The following XPR1 variants were observed in gnomAD, a reference collection of about 807,000 sequenced individuals.
XPR1 encodes solute carrier family 53 member 1.
A neutral mutation model predicts 87.5 loss-of-function variants in XPR1; 28 were observed. The ratio of observed to expected loss-of-function variants is 0.32; its 90% CI spans 0.24 to 0.44. XPR1 has a LOEUF of 0.44. Ranked by LOEUF, XPR1 falls within the 20% of genes least tolerant of loss-of-function variation. The pLI is 1.00. For synonymous variants in XPR1, 300 were observed against 306.1 expected, an observed-to-expected ratio of 0.98 and a Z score of 0.21; for missense variants, 559 against 862.3, an observed-to-expected ratio of 0.65 and a Z score of 4.41.
chr1:180,666,386 A>G (rs1207920595), intron 1 of XPR1, among the ~76,000 whole-genome samples: 1 of 152,158 alleles, frequency 6.6e-6, no homozygotes, highest in African/African-American at 2.4e-5. Context: ...TAGTATTGAC[A>G]TCTTAACAAT....
chr1:180,698,149 A>G (rs892360839), intron 2 of XPR1, among the ~76,000 whole-genome samples: 1 of 152,106 alleles, frequency 6.6e-6, no homozygotes, highest in Non-Finnish European at 1.5e-5. Flanking sequence ...GAATTGTTAC[A>G]TCTTCTTGCT....
intron 7 of XPR1, among the ~76,000 whole-genome samples, chr1:180,813,239 G>A (rs1650289383): frequency 6.6e-6 from 1 of 152,080 alleles, no homozygotes; most frequent in Non-Finnish European, 1.5e-5. Flanking sequence ...ACTTGTGTTA[G>A]TACTTCTTAG....
chr1:180,656,746 G>A (rs1254214398), intron 1 of XPR1, among the ~76,000 whole-genome samples: 1 of 140,294 alleles, frequency 7.1e-6, no homozygotes, highest in East Asian at 2.0e-4. Flanking sequence ...TCTGTTGACA[G>A]ACACTTGGGT....
chr1:180,694,546 C>G (rs1044857995), intron 2 of XPR1, among the ~76,000 whole-genome samples: 40 of 152,076 alleles, frequency 2.6e-4, no homozygotes, highest in Non-Finnish European at 5.7e-4. Context: ...TCAAATTTAT[C>G]TTTATTTCTG....
Position 180,655,659 on chromosome 1 carries a change from T to C in XPR1, c.69+23389T>C, listed in dbSNP as rs1437867343. 2.0e-5 allele frequency among the ~76,000 whole-genome samples: 3 copies of C among 152,202 alleles called. No individual in the cohort carries two copies. In the East Asian group the frequency reaches 5.8e-4, roughly 29 times the overall value. On this transcript the variant is annotated intron_variant, in intron 1 of 14. Transcript: ENST00000367590. Reference sequence around the variant, plus strand: ...TGTTGCCTATGCCTTTGGTGTCTTATGCTAGATCCAGTATTGTGAAACTTT... The same window carrying C: ...TGTTGCCTATGCCTTTGGTGTCTTACGCTAGATCCAGTATTGTGAAACTTT...
chr1:180,786,758 G>A (rs1183934753), intron 2 of XPR1, among the ~76,000 whole-genome samples: 1 of 152,198 alleles, frequency 6.6e-6, no homozygotes, highest in Non-Finnish European at 1.5e-5. Context: ...CCACATGGCA[G>A]CAACTAGACA....
rs1236897610 is a variant in XPR1, at chr1:180,684,730, A to G, written c.121+2319A>G. On this transcript the variant is annotated intron_variant, in intron 2 of 14. Coordinates refer to ENST00000367590, the MANE Select transcript of XPR1 (RefSeq NM_004736.4). ...TCCCTTTTAAGTTGGATTCCTAGGT[A>G]TTTTATTCTCTTTGAAGCAATGGTG... Among the ~76,000 whole-genome samples, 8 of 152,064 alleles carry G rather than the reference A, an allele frequency of 5.3e-5. No individual in the cohort carries two copies. The East Asian group carries it at 1.4e-3, about 26-fold the overall frequency.
intron 2 of XPR1, among the ~76,000 whole-genome samples, chr1:180,709,812 T>G (rs1657700529): frequency 6.6e-6 from 1 of 152,152 alleles, no homozygotes; most frequent in Non-Finnish European, 1.5e-5. Context: ...TTGGTATATC[T>G]TCTTTAGGAA....
chr1:180,644,959 G>A (rs1465135000), intron 1 of XPR1, among the ~76,000 whole-genome samples: 3 of 152,016 alleles, frequency 2.0e-5, no homozygotes, highest in Admixed American at 2.0e-4. Flanking sequence ...CTTATGTTCA[G>A]TCTACTCCGT....
intron 2 of XPR1, among the ~76,000 whole-genome samples, chr1:180,740,955 A>C (rs1658897260): frequency 6.6e-6 from 1 of 152,166 alleles, no homozygotes; most frequent in African/African-American, 2.4e-5. Flanking sequence ...AATCTTGATC[A>C]AAAGGGCTCT....
At chr1:180,843,021 TGTTTAAC>T (rs1651568216) in intron 11 of XPR1, among the ~76,000 whole-genome samples, 1 of 152,200 alleles carries the variant, frequency 6.6e-6, no homozygotes, top group East Asian at 1.9e-4. Flanking sequence ...GATCCCTTCT[TGTTTAAC>T]GTTCTCTAAG....
intron 1 of XPR1, among the ~76,000 whole-genome samples, chr1:180,639,202 T>A (rs532051829): frequency 6.6e-6 from 1 of 152,060 alleles, no homozygotes; most frequent in Non-Finnish European, 1.5e-5. Context: ...GCACAAGACT[T>A]GCTTGAACCC....
chr1:180,789,607 A>G (rs1649303447), intron 3 of XPR1, among the ~76,000 whole-genome samples: 1 of 151,536 alleles, frequency 6.6e-6, no homozygotes, highest in African/African-American at 2.4e-5. Context: ...TTTTTGGAGA[A>G]TGGGGTCTTG....
intron 11 of XPR1, among the ~76,000 whole-genome samples, chr1:180,860,553 C>T (rs1468397205): frequency 6.6e-6 from 1 of 152,080 alleles, no homozygotes; most frequent in Non-Finnish European, 1.5e-5. Flanking sequence ...CATGCAACAA[C>T]ATGGATAAAT....
At chr1:180,810,119 G>T (rs1176346785) in intron 6 of XPR1, among the ~76,000 whole-genome samples, 5 of 151,904 alleles carry the variant, frequency 3.3e-5, no homozygotes, top group Non-Finnish European at 7.4e-5. Flanking sequence ...ACAATCTTAG[G>T]CACTTGCTAT....
chr1:180,705,771 T>C (rs1358168991), intron 2 of XPR1, among the ~76,000 whole-genome samples: 2 of 152,152 alleles, frequency 1.3e-5, no homozygotes, highest in Admixed American at 1.3e-4. Context: ...CAAAAAAAAG[T>C]TAGGTTAATA....
rs57135776 is a variant in XPR1 at position 180,709,763 on chromosome 1, A to G, written c.121+27352A>G. On this transcript the variant is annotated intron_variant, in intron 2 of 14. Coordinates refer to ENST00000367590, the MANE Select transcript of XPR1 (RefSeq NM_004736.4). The stretch of plus-strand genomic sequence containing the variant: ...TGTGTTTTTAATTTACATTTTCCAA[A>G]TGACTAACGATATTGAGACTTTTCC... Among the ~76,000 whole-genome samples, 878 of 152,234 alleles carry G rather than the reference A, an allele frequency of 5.8e-3. 16 individuals carry two copies. Among genetic ancestry groups the G allele is most frequent in the African/African-American group, 0.019 (807 of 41,540 alleles).
intron 13 of XPR1, among the ~76,000 whole-genome samples, chr1:180,875,205 G>A (rs1261065216): frequency 6.6e-6 from 1 of 152,124 alleles, no homozygotes; most frequent in Non-Finnish European, 1.5e-5. Context: ...AAATTGTAAT[G>A]CAAATTTTAA....
At chr1:180,740,432 T>C (rs1427626261) in intron 2 of XPR1, among the ~76,000 whole-genome samples, 1 of 152,180 alleles carries the variant, frequency 6.6e-6, no homozygotes, top group Non-Finnish European at 1.5e-5. Context: ...CATGTTTTTT[T>C]TTTCTTTACA....
Sources: allele counts gnomAD v4.1 joint callset (sites outside exome capture counted in the v4.1 genomes callset), GRCh38; gene constraint gnomAD v4.1.1; transcripts MANE v1.5; gene names NCBI Gene and HGNC (gene_info 2026-07-23, HGNC 2026-07-21).